SCFD1: variants seen among roughly 807,000 people sequenced by gnomAD.
SCFD1 encodes sec1 family domain-containing protein 1.
In SCFD1, 37 loss-of-function variants were observed where a neutral mutation model predicts 103.2. The observed-to-expected ratio is 0.36, with a 90% CI of 0.28 to 0.47. The LOEUF (loss-of-function observed/expected upper bound fraction) is 0.47, where lower values mean the gene tolerates loss of function less well. SCFD1 is among the 20% of genes least tolerant of loss of function. The pLI is 1.00. For synonymous variants in SCFD1, 264 were observed against 245.0 expected, an observed-to-expected ratio of 1.08 and a Z score of -0.73; for missense variants, 639 against 761.2, an observed-to-expected ratio of 0.84 and a Z score of 1.89.
At chr14:30,735,167 G>T (rs142694374) in intron 24 of SCFD1, 105 of 307,720 alleles carry the variant, frequency 3.4e-4, no homozygotes, top group Non-Finnish European at 5.3e-4. Flanking sequence ...TCTTTATATT[G>T]TCACAAAGTT....
At chr14:30,711,268 A>G (rs761998308) in intron 19 of SCFD1, among the ~76,000 whole-genome samples, 2 of 152,260 alleles carry the variant, frequency 1.3e-5, no homozygotes, top group African/African-American at 2.4e-5. Flanking sequence ...ACACAGTTGC[A>G]ATGTCTGGCC....
At chr14:30,636,851 T>G (rs1370884399) in intron 4 of SCFD1, among the ~76,000 whole-genome samples, 1 of 152,146 alleles carries the variant, frequency 6.6e-6, no homozygotes, top group African/African-American at 2.4e-5. Context: ...AAAATTCAAT[T>G]GATTTTTATG....
At chr14:30,629,554 A>G (rs1883878147) in intron 2 of SCFD1, among the ~76,000 whole-genome samples, 1 of 151,090 alleles carries the variant, frequency 6.6e-6, no homozygotes. Flanking sequence ...GACTAAGTCT[A>G]TCAAATACTC....
rs1211649259 is a variant in SCFD1 at position 30,667,087 on chromosome 14, G to A, written c.856-3169G>A. 2.0e-5 allele frequency among the ~76,000 whole-genome samples: 3 copies of A among 152,060 alleles called. No homozygotes were observed. In the East Asian group the frequency reaches 5.8e-4, roughly 29 times the overall value. On this transcript the variant is annotated intron_variant, in intron 10 of 24. Coordinates refer to ENST00000458591, the MANE Select transcript of SCFD1 (RefSeq NM_016106.4). ...AGCATCATCCTGATACCAAAGCCTG[G>A]CAGAGACACAACAAAAAACGAGAAT...
chr14:30,628,456 G>C (rs1205704121), intron 2 of SCFD1, among the ~76,000 whole-genome samples, 177 bp downstream of exon 2: 2 of 152,180 alleles, frequency 1.3e-5, no homozygotes, highest in African/African-American at 4.8e-5. Context: ...TCTATGGAGT[G>C]AGACAAGTGA....
At chr14:30,719,977 G>A (rs563879500) in intron 21 of SCFD1, among the ~76,000 whole-genome samples, 2 of 136,744 alleles carry the variant, frequency 1.5e-5, no homozygotes, top group South Asian at 2.7e-4. Context: ...GGTGGGGGGC[G>A]GGAATAACTG....
At chr14:30,695,565 G>A (rs1172560774) in intron 15 of SCFD1, among the ~76,000 whole-genome samples, 1 of 152,078 alleles carries the variant, frequency 6.6e-6, no homozygotes, top group Non-Finnish European at 1.5e-5. Flanking sequence ...ACTGAACTGT[G>A]CACTTAACAA....
At position 30,718,855 on chromosome 14, in the gene SCFD1, T is replaced by C. The variant is rs1028736620; in HGVS notation, c.1684-470T>C. On this transcript the variant is annotated intron_variant, in intron 20 of 24. Transcript: ENST00000458591. ...TGAGAGTGCTATGATTGATTAGCAG[T>C]GTCCACCCCATTGGGTACAGGACTA... Among the ~76,000 whole-genome samples, 13 of 152,328 alleles carry C rather than the reference T, an allele frequency of 8.5e-5. 1 individual carries two copies. Among genetic ancestry groups the C allele is most frequent in the African/African-American group, 3.1e-4 (13 of 41,582 alleles).
At chr14:30,668,478 C>T (rs1472415927) in intron 10 of SCFD1, among the ~76,000 whole-genome samples, 6 of 152,156 alleles carry the variant, frequency 3.9e-5, no homozygotes, top group African/African-American at 1.4e-4. Flanking sequence ...CCATTCAGGA[C>T]ATAGGCATGG....
intron 15 of SCFD1, among the ~76,000 whole-genome samples, chr14:30,697,937 C>T (rs150309256): frequency 6.6e-6 from 1 of 152,298 alleles, no homozygotes; most frequent in African/African-American, 2.4e-5. Flanking sequence ...ATTGGTAAAA[C>T]TTCAACTAGG....
chr14:30,695,998 A>G (rs1890675473), intron 15 of SCFD1, among the ~76,000 whole-genome samples: 1 of 152,176 alleles, frequency 6.6e-6, no homozygotes, highest in South Asian at 2.1e-4. Context: ...GAAATTCCCT[A>G]AACTTTAGAG....
In SCFD1 at chr14:30,622,387, G is replaced by A; in HGVS notation, c.49G>A (p.Glu17Lys). The A allele has an allele frequency of 1.9e-6, 3 of 1,554,874 alleles. No individual in the cohort carries two copies. Among genetic ancestry groups the A allele is most frequent in the Non-Finnish European group, 2.6e-6 (3 of 1,148,798 alleles). ...ATAAAAASIR[E>K]RQTVALKRML... ...AGCAGCAGCAGCAGCCAGTATTCGGGAAAGGCAGACAGGTACTGACTTATT... is the reference window on the plus strand; with the variant it reads ...AGCAGCAGCAGCAGCCAGTATTCGGAAAAGGCAGACAGGTACTGACTTATT... Residue 17 changes from glutamate (E) to lysine (K), a missense_variant, in exon 1 of 25, where the codon GAA (glutamate) becomes AAA (lysine). Glu to Lys is a moderately conservative substitution (Grantham distance 56, BLOSUM62 1). Coordinates refer to ENST00000458591, the MANE Select transcript of SCFD1 (RefSeq NM_016106.4).
intron 16 of SCFD1, among the ~76,000 whole-genome samples, chr14:30,701,243 T>C (rs575475392): frequency 6.6e-6 from 1 of 152,332 alleles, no homozygotes; most frequent in African/African-American, 2.4e-5. Flanking sequence ...CATTCTGCTT[T>C]ACCCTGGGAA....
chr14:30,683,922 G>A (rs948824104), intron 14 of SCFD1, among the ~76,000 whole-genome samples: 3 of 152,154 alleles, frequency 2.0e-5, no homozygotes, highest in African/African-American at 7.2e-5. Context: ...AAGCCAAGAA[G>A]TGTCACTCTA....
At chr14:30,625,615 ACCTAT>A in intron 1 of SCFD1, among the ~76,000 whole-genome samples, 1 of 68,782 alleles carries the variant, frequency 1.5e-5, no homozygotes, top group Non-Finnish European at 3.1e-5. Context: ...GTATAGGTAT[ACCTAT>A]ATAGGTATAG....
intron 3 of SCFD1, 48 bp downstream of exon 3, chr14:30,630,613 T>A: frequency 8.7e-7 from 1 of 1,143,032 alleles, no homozygotes; most frequent in South Asian, 1.2e-5. Flanking sequence ...AAAGAACATT[T>A]ATAGAGAAAA....
chr14:30,734,490 T>A, intron 23 of SCFD1: 1 of 341,642 alleles, frequency 2.9e-6, no homozygotes, highest in South Asian at 3.3e-5. Flanking sequence ...ATTTTATAGG[T>A]AACTGTTGCT....
chr14:30,673,497 GAA>G, intron 12 of SCFD1, 150 bp downstream of exon 12: 1 of 496,606 alleles, frequency 2.0e-6, no homozygotes, highest in Non-Finnish European at 3.6e-6. Context: ...TGATCAAAAA[GAA>G]ATCTAAATAT....
At chr14:30,679,460 G>A (rs1267180472) in intron 14 of SCFD1, among the ~76,000 whole-genome samples, 1 of 152,070 alleles carries the variant, frequency 6.6e-6, no homozygotes, top group Non-Finnish European at 1.5e-5. Context: ...GCTTTGCAAT[G>A]TCTCTAAAAT....
Sources: allele counts gnomAD v4.1 joint callset (sites outside exome capture counted in the v4.1 genomes callset), GRCh38; gene constraint gnomAD v4.1.1; transcripts MANE v1.5; gene names NCBI Gene and HGNC (gene_info 2026-07-23, HGNC 2026-07-21).